Variants in HERC2 observed in about 807,000 individuals in gnomAD.
The protein encoded by HERC2 is E3 ubiquitin-protein ligase HERC2.
Under a neutral mutation model 537.7 loss-of-function variants are expected in HERC2, and 102 were observed. The observed-to-expected ratio is 0.19, with a 90% CI of 0.16 to 0.22. HERC2 has a LOEUF of 0.22. Ranked by LOEUF, HERC2 falls within the 10% of genes least tolerant of loss-of-function variation. The pLI is 1.00. For missense variants in HERC2, 4,236 were observed against 6,198.2 expected (o/e 0.68, Z 10.63); for synonymous variants, 2,224 against 2,466.2 (o/e 0.90, Z 2.91).
intron 56 of HERC2, 26 bp from the exon 57 acceptor site, chr15:28,182,538 A>G (rs1367755026): frequency 1.3e-6 from 2 of 1,526,236 alleles, no homozygotes; most frequent in African/African-American, 2.8e-5. Flanking sequence ...AAAAAAAGAA[A>G]AAGAAAAGAG....
chr15:28,126,668 G>A (rs1889522460), intron 83 of HERC2, among the ~76,000 whole-genome samples: 1 of 152,134 alleles, frequency 6.6e-6, no homozygotes, highest in African/African-American at 2.4e-5. Flanking sequence ...CGATGAGGAT[G>A]CAACGGCATA....
chr15:28,245,540 T>C (rs1198662216), intron 23 of HERC2, among the ~76,000 whole-genome samples: 1 of 140,426 alleles, frequency 7.1e-6, no homozygotes, highest in Non-Finnish European at 1.5e-5. Context: ...GAGCAAGATG[T>C]AGTGTCAAAA....
In HERC2 at chr15:28,113,545, G is replaced by A; in HGVS notation, c.14019+28C>T. On this transcript the variant is annotated intron_variant, in intron 91 of 92. Transcript: ENST00000261609. The surrounding 1 kb of genome is among the most constrained non-coding windows in gnomAD (Gnocchi z 7.0). Reference sequence around the variant, plus strand: ...GGTCAGCAGGCAAAAGGCAGCTGCAGGGCAGCCCCACCTGGGGGTCGGCAT... The same window carrying A: ...GGTCAGCAGGCAAAAGGCAGCTGCAAGGCAGCCCCACCTGGGGGTCGGCAT... The A allele has an allele frequency of 1.9e-6, 3 of 1,589,808 alleles. No homozygotes were observed. The highest frequency in any genetic ancestry group is 2.6e-6 in the Non-Finnish European group (3 of 1,158,096).
At chr15:28,226,550 C>CA (rs1407003608) in intron 35 of HERC2, among the ~76,000 whole-genome samples, 9 of 151,336 alleles carry the variant, frequency 5.9e-5, no homozygotes, top group South Asian at 2.1e-4. Flanking sequence ...ATCAGATCAT[C>CA]AAAAAAAACA....
chr15:28,189,140 G>C (rs1896598733), intron 55 of HERC2, among the ~76,000 whole-genome samples: 1 of 152,166 alleles, frequency 6.6e-6, no homozygotes, highest in African/African-American at 2.4e-5. Context: ...CAAAGGCCAT[G>C]CTTAAGATGC....
At chr15:28,284,919 GAAAAAAAAA>G (rs551327935) in intron 4 of HERC2, among the ~76,000 whole-genome samples, 30 of 32,540 alleles carry the variant, frequency 9.2e-4, no homozygotes, top group Middle Eastern at 0.036. Context: ...CTCCGTCTCG[GAAAAAAAAA>G]AAAAAAAAAA....
chr15:28,188,663 G>A (rs1042607905), intron 55 of HERC2, among the ~76,000 whole-genome samples: 2 of 152,170 alleles, frequency 1.3e-5, no homozygotes, highest in Non-Finnish European at 2.9e-5. Context: ...CCATGACTAG[G>A]ACTTGCTGAG....
chr15:28,308,886 G>A (rs1364118232), intron 2 of HERC2, among the ~76,000 whole-genome samples: 1 of 152,192 alleles, frequency 6.6e-6, no homozygotes, highest in African/African-American at 2.4e-5. Context: ...GTACCCCAGG[G>A]ATAAACCCCA....
At chr15:28,294,409 A>T (rs1567130455) in intron 3 of HERC2, among the ~76,000 whole-genome samples, 3 of 150,160 alleles carry the variant, frequency 2.0e-5, no homozygotes, top group Non-Finnish European at 1.5e-5. Flanking sequence ...CACTAAGGAC[A>T]AAACCTTTTG....
rs1166418987 is a variant in HERC2 at position 28,129,778 on chromosome 15, TC to T, written c.12802+384del. On this transcript the variant is annotated intron_variant, in intron 83 of 92. Coordinates refer to ENST00000261609, the MANE Select transcript of HERC2 (RefSeq NM_004667.6). ...TCAGGACACAGTATAAGCCTCTGCC[TC>T]CTTTTTTTTTTTTTTTTTGAGACAG... 7.6e-5 allele frequency among the ~76,000 whole-genome samples: 6 copies of T among 79,364 alleles called. No individual in the cohort carries two copies. In the Admixed American group the frequency reaches 7.9e-4, roughly 10 times the overall value. The allele number at this position is 79,364 out of a possible 152,430, so 52.1% of individuals were successfully genotyped here. A position where few individuals can be genotyped will look rare whatever the true frequency, so the allele number is the denominator to read the frequency against.
intron 4 of HERC2, 59 bp from the exon 5 acceptor site, chr15:28,280,346 A>G (rs537122980): frequency 7.3e-7 from 1 of 1,378,008 alleles, no homozygotes; most frequent in Non-Finnish European, 1.0e-6. Flanking sequence ...AGTTTGTTGC[A>G]ATGTTGAGAA....
At position 28,246,059 on chromosome 15, in the gene HERC2, G is replaced by C; in HGVS notation, c.3399C>G (p.Leu1133=). The C allele has an allele frequency of 1.3e-6, 2 of 1,589,366 alleles. No homozygotes were observed. Among genetic ancestry groups the C allele is most frequent in the South Asian group, 1.1e-5 (1 of 88,390 alleles). ...CTATAGAAACTACTAGTTCTGGAAG[G>C]AGAACACCTACATTTAAGAAATAAT... The part of the protein sequence containing the change: ...YIVEGDFTGV[L]LPELVVSIVL... The change falls in exon 23 of 93, where the codon CTC becomes CTG. Residue 1133 remains leucine (L), a synonymous_variant. Coordinates refer to ENST00000261609, the MANE Select transcript of HERC2 (RefSeq NM_004667.6).
In HERC2 at chr15:28,176,292, T is replaced by C. The variant is rs1895283200; in HGVS notation, c.9686+136A>G. ...GTCACTAATCCCAACTCAATATCCT[T>C]TAAAGGACAAAGATGCATGCATAAG... is the stretch of plus-strand genomic sequence containing the variant. On this transcript the variant is annotated intron_variant, in intron 63 of 92. Transcript: ENST00000261609. This position sits in a 1 kb window ranked among gnomAD's most constrained non-coding sequence, Gnocchi z 5.0. 2 of 702,334 alleles carry C rather than the reference T, an allele frequency of 2.8e-6. No homozygotes were observed. Among genetic ancestry groups the C allele is most frequent in the South Asian group, 2.1e-5 (1 of 47,550 alleles). The allele number at this position is 702,334 out of a possible 1,614,324, so 43.5% of individuals were successfully genotyped here. A position where few individuals can be genotyped will look rare whatever the true frequency, so the allele number is the denominator to read the frequency against.
At chr15:28,251,529 G>A (rs1212978100) in intron 20 of HERC2, among the ~76,000 whole-genome samples, 13 of 146,732 alleles carry the variant, frequency 8.9e-5, no homozygotes, top group African/African-American at 3.0e-4. Flanking sequence ...GGCCAGGCGC[G>A]GTGGCTCACG....
intron 86 of HERC2, among the ~76,000 whole-genome samples, chr15:28,119,399 C>CAAAAAAAAAAA (rs201078187): frequency 7.5e-6 from 1 of 133,928 alleles, no homozygotes. Flanking sequence ...GACTCCCTCT[C>CAAAAAAAAAAA]AAAAAAAAAA....
intron 2 of HERC2, among the ~76,000 whole-genome samples, chr15:28,319,310 G>A (rs1158120705): frequency 6.6e-6 from 1 of 152,202 alleles, no homozygotes; most frequent in African/African-American, 2.4e-5. Flanking sequence ...TTTTGGCCAG[G>A]TGCAGTGGCT....
chr15:28,309,387 T>G, intron 2 of HERC2, among the ~76,000 whole-genome samples: 1 of 152,188 alleles, frequency 6.6e-6, no homozygotes, highest in Non-Finnish European at 1.5e-5. Flanking sequence ...TATAGCCTCT[T>G]GCTGAATTGG....
At chr15:28,210,401 GC>G (rs1899054457) in intron 44 of HERC2, among the ~76,000 whole-genome samples, 1 of 152,298 alleles carries the variant, frequency 6.6e-6, no homozygotes, top group South Asian at 2.1e-4. Flanking sequence ...CTCCCAAAGT[GC>G]AGGGATTACA....
intron 2 of HERC2, among the ~76,000 whole-genome samples, chr15:28,315,103 AG>A (rs1477491041): frequency 6.6e-6 from 1 of 152,234 alleles, no homozygotes; most frequent in African/African-American, 2.4e-5. Context: ...CCAATTGTTC[AG>A]CCAGCACATT....
Sources: gnomAD v4.1 joint callset for allele counts (sites outside exome capture counted in the v4.1 genomes callset) on GRCh38, gnomAD v4.1.1 for gene constraint, Gnocchi (gnomAD v3.1) non-coding constraint, MANE v1.5 for transcripts, NCBI Gene and HGNC (gene_info 2026-07-23, HGNC 2026-07-21) for gene names.